Variants in CAMK2A observed in about 807,000 individuals in gnomAD.
CAMK2A encodes the protein calcium/calmodulin-dependent protein kinase type II subunit alpha.
CAMK2A carries 7 observed loss-of-function variants against 79.2 expected under a neutral mutation model. That is an observed-to-expected ratio of 0.09 (90% CI 0.05 to 0.17). The LOEUF is 0.17. Among genes scored for constraint, CAMK2A ranks in the 10% least tolerant of loss-of-function variants. The pLI is 1.00. For synonymous variants in CAMK2A, 242 were observed against 251.7 expected, an observed-to-expected ratio of 0.96 and a Z score of 0.36; for missense variants, 214 against 646.4, an observed-to-expected ratio of 0.33 and a Z score of 7.25.
chr5:150,278,978 C>T (rs948074003), intron 1 of CAMK2A, among the ~76,000 whole-genome samples: 3 of 152,132 alleles, frequency 2.0e-5, no homozygotes, highest in African/African-American at 7.2e-5. Flanking sequence ...CAAGTCTCAG[C>T]CCTCAGCCCT....
chr5:150,235,627 G>A lies in CAMK2A; in HGVS notation c.1066+3073C>T, dbSNP rs142518923. On this transcript the variant is annotated intron_variant, in intron 15 of 18. Coordinates refer to ENST00000671881, the MANE Select transcript of CAMK2A (RefSeq NM_015981.4). ...GCGAATCAGGAGGGATGGGGGAGTG[G>A]GAAGGAAGCAGAGCCCCAGGCAGCT... 2.6e-3 allele frequency among the ~76,000 whole-genome samples: 391 copies of A among 152,320 alleles called. 4 individuals are homozygous for A. The highest frequency in any genetic ancestry group is 9.1e-3 in the African/African-American group (379 of 41,574).
At chr5:150,242,527 T>C (rs1446677639) in intron 13 of CAMK2A, among the ~76,000 whole-genome samples, 1 of 152,188 alleles carries the variant, frequency 6.6e-6, no homozygotes, top group African/African-American at 2.4e-5. Flanking sequence ...AGGAGGAATG[T>C]GTGCCTCCCT....
chr5:150,264,405 G>C (rs1318294488), intron 3 of CAMK2A, among the ~76,000 whole-genome samples: 1 of 152,252 alleles, frequency 6.6e-6, no homozygotes, highest in Non-Finnish European at 1.5e-5. Flanking sequence ...GCTGAAGAAG[G>C]GGGGCCAGGC....
intron 15 of CAMK2A, among the ~76,000 whole-genome samples, chr5:150,232,268 G>A (rs1754875413): frequency 6.6e-6 from 1 of 152,272 alleles, no homozygotes. Flanking sequence ...AAATGGAGAT[G>A]ATAGTGTTCT....
intron 15 of CAMK2A, 193 bp downstream of exon 15, chr5:150,238,507 A>C (rs575494714): frequency 1.4e-6 from 1 of 695,168 alleles, no homozygotes; most frequent in Non-Finnish European, 2.7e-6. Flanking sequence ...CACCAGCAGT[A>C]GTTCCAGTAC....
Position 150,263,794 on chromosome 5 carries a change from A to G in CAMK2A, c.217+1162T>C, listed in dbSNP as rs116057519. ...AGCTGGGGGGTTGGGGGCCCAGAAT[A>G]GGCAGGGGCTGCTGAAGGCCACATG... On this transcript the variant is annotated intron_variant, in intron 3 of 18. Coordinates refer to ENST00000671881, the MANE Select transcript of CAMK2A (RefSeq NM_015981.4). Among the ~76,000 whole-genome samples the G allele has an allele frequency of 4.6e-3, 703 of 152,314 alleles. 7 individuals are homozygous for G. The highest frequency in any genetic ancestry group is 0.016 in the African/African-American group (675 of 41,564).
At chr5:150,229,138 C>A (rs1250973874) in intron 16 of CAMK2A, among the ~76,000 whole-genome samples, 1 of 152,192 alleles carries the variant, frequency 6.6e-6, no homozygotes, top group East Asian at 1.9e-4. Context: ...ATTGGAGACA[C>A]CCAGGAGAAG....
rs1370819564 is a variant in CAMK2A at position 150,221,495 on chromosome 5, C to T, written c.*1215G>A. ...TGGTGAGATGAAATCCTGGGAAGTT[C>T]GGTAGAGAAGACCCCAGTTTGCGAG... On this transcript the variant is annotated 3_prime_UTR_variant, in exon 19 of 19. Coordinates refer to ENST00000671881, the MANE Select transcript of CAMK2A (RefSeq NM_015981.4). The T allele has an allele frequency of 1.5e-5, 6 of 398,528 alleles. No individual in the cohort carries two copies. The highest frequency in any genetic ancestry group is 3.5e-5 in the East Asian group (1 of 28,216). 24.7% of individuals were successfully genotyped at this position (398,528 alleles called of 1,614,324 possible).
chr5:150,270,759 C>T (rs1171895109), intron 2 of CAMK2A, among the ~76,000 whole-genome samples: 2 of 152,106 alleles, frequency 1.3e-5, no homozygotes, highest in African/African-American at 4.8e-5. Context: ...GGCCGGGCCA[C>T]CTTCCTTCCA....
At chr5:150,245,056 G>C (rs1755503617) in intron 13 of CAMK2A, 105 bp downstream of exon 13, 2 of 1,155,558 alleles carry the variant, frequency 1.7e-6, no homozygotes, top group African/African-American at 3.0e-5. Context: ...GTCTGCCCAG[G>C]ACACCATCAG....
At position 150,248,130 on chromosome 5, in the gene CAMK2A, G is replaced by A. The variant is rs559380578; in HGVS notation, c.901-316C>T. Among the ~76,000 whole-genome samples, 15 of 152,212 alleles carry A rather than the reference G, an allele frequency of 9.9e-5. No individual in the cohort carries two copies. The South Asian group carries it at 3.1e-3, about 32-fold the overall frequency. On this transcript the variant is annotated intron_variant, in intron 11 of 18. Coordinates refer to ENST00000671881, the MANE Select transcript of CAMK2A (RefSeq NM_015981.4). ...AGCTTGAGGGACACCTACCAGCAGA[G>A]GCTCCTGAAGATGATGGACTTTTCT...
chr5:150,251,145 A>C (rs1412810991), intron 9 of CAMK2A, among the ~76,000 whole-genome samples: 1 of 152,240 alleles, frequency 6.6e-6, no homozygotes, highest in Non-Finnish European at 1.5e-5. Flanking sequence ...TAACCTGGGT[A>C]AGTCACATGA....
chr5:150,287,162 T>C (rs569760948), intron 1 of CAMK2A, among the ~76,000 whole-genome samples: 111 of 152,308 alleles, frequency 7.3e-4, no homozygotes, highest in Middle Eastern at 6.8e-3. Context: ...CTGGACTTTT[T>C]AACACAGACA....
At chr5:150,258,821 G>C (rs1349102428) in intron 3 of CAMK2A, among the ~76,000 whole-genome samples, 1 of 152,218 alleles carries the variant, frequency 6.6e-6, no homozygotes, top group African/African-American at 2.4e-5. Context: ...AGATACCCCA[G>C]AGCTGATGCC....
intron 6 of CAMK2A, among the ~76,000 whole-genome samples, chr5:150,254,564 C>T (rs1046460551): frequency 6.6e-6 from 1 of 152,166 alleles, no homozygotes; most frequent in East Asian, 1.9e-4. Flanking sequence ...CACACCTGGC[C>T]TCTGGGCATC....
At chr5:150,281,014 C>T (rs1000549122) in intron 1 of CAMK2A, among the ~76,000 whole-genome samples, 1 of 152,224 alleles carries the variant, frequency 6.6e-6, no homozygotes, top group African/African-American at 2.4e-5. Context: ...CTCTGCAAAG[C>T]AGTCCATGAC....
chr5:150,224,735 C>G (rs951872893), intron 17 of CAMK2A, among the ~76,000 whole-genome samples: 3 of 152,108 alleles, frequency 2.0e-5, no homozygotes, highest in African/African-American at 7.2e-5. Flanking sequence ...ATAAGCGTCC[C>G]TGACAGCATT....
chr5:150,234,833 C>T (rs1390889279), intron 15 of CAMK2A, among the ~76,000 whole-genome samples: 1 of 152,166 alleles, frequency 6.6e-6, no homozygotes, highest in Admixed American at 6.5e-5. Context: ...TTTTCACTTC[C>T]TTCTCCTTTC....
intron 12 of CAMK2A, 40 bp downstream of exon 12, chr5:150,247,732 G>C (rs768612576): frequency 6.4e-7 from 1 of 1,569,162 alleles, no homozygotes; most frequent in Non-Finnish European, 8.7e-7. Flanking sequence ...CAACGAACTG[G>C]TGCAGGGCTT....
Sources: allele counts gnomAD v4.1 joint callset (sites outside exome capture counted in the v4.1 genomes callset), GRCh38; gene constraint gnomAD v4.1.1; transcripts MANE v1.5; gene names NCBI Gene and HGNC (gene_info 2026-07-23, HGNC 2026-07-21).